Variants in SNTB1 observed in about 807,000 individuals in gnomAD.
The protein encoded by SNTB1 is beta-1-syntrophin.
Under a neutral mutation model 48.9 loss-of-function variants are expected in SNTB1, and 36 were observed. The observed-to-expected ratio is 0.74, with a 90% CI of 0.56 to 0.97. The LOEUF is 0.97. Among genes scored for constraint, SNTB1 ranks in the 50% least tolerant of loss-of-function variants. SNTB1 has a pLI of 0.00. For missense variants in SNTB1, 786 were observed against 703.4 expected (o/e 1.12, Z -1.33); for synonymous variants, 299 against 294.6 (o/e 1.01, Z -0.15).
chr8:120,551,249 C>A (rs1241428376), intron 4 of SNTB1, among the ~76,000 whole-genome samples: 3 of 129,002 alleles, frequency 2.3e-5, no homozygotes, highest in African/African-American at 9.0e-5. Context: ...AGTGAGACTC[C>A]ATCTCAAAAA....
At chr8:120,587,063 A>G (rs1412434215) in intron 3 of SNTB1, among the ~76,000 whole-genome samples, 2 of 152,174 alleles carry the variant, frequency 1.3e-5, no homozygotes, top group East Asian at 3.9e-4. Flanking sequence ...TCTACTAAAA[A>G]TACAAAAATT....
chr8:120,797,164 T>A (rs965654366), intron 1 of SNTB1, among the ~76,000 whole-genome samples: 1 of 152,020 alleles, frequency 6.6e-6, no homozygotes, highest in African/African-American at 2.4e-5. Context: ...TACAGAGTGA[T>A]AAACACACCG....
At chr8:120,691,231 A>G (rs1356179677) in intron 2 of SNTB1, among the ~76,000 whole-genome samples, 1 of 152,182 alleles carries the variant, frequency 6.6e-6, no homozygotes, top group African/African-American at 2.4e-5. Flanking sequence ...CATCTATTCA[A>G]ATTTTCTCCC....
intron 1 of SNTB1, among the ~76,000 whole-genome samples, chr8:120,804,953 T>C (rs1820303846): frequency 6.6e-6 from 1 of 152,192 alleles, no homozygotes; most frequent in Non-Finnish European, 1.5e-5. Context: ...TAGCCATTTT[T>C]CCTCCCTCTT....
Position 120,536,682 on chromosome 8 carries a change from TA to T in SNTB1, c.*2194del, listed in dbSNP as rs1479971878. 3.9e-5 allele frequency: 6 copies of T among 152,060 alleles called. No homozygotes were observed. The highest frequency in any genetic ancestry group is 5.9e-5 in the Non-Finnish European group (4 of 67,972). The allele number at this position is 152,060 out of a possible 1,614,324, so 9.4% of individuals were successfully genotyped here. A position where few individuals can be genotyped will look rare whatever the true frequency, so the allele number is the denominator to read the frequency against. ...TATTCAAATATATTTTCCTAAAATA[TA>T]AATAATTAAATTAAATGTTTATAAA... On this transcript the variant is annotated 3_prime_UTR_variant, in exon 7 of 7. Transcript: ENST00000517992.
chr8:120,620,021 A>G (rs1195778107), intron 3 of SNTB1, among the ~76,000 whole-genome samples: 4 of 152,220 alleles, frequency 2.6e-5, no homozygotes, highest in Non-Finnish European at 5.9e-5. Context: ...TGGTAAATCA[A>G]TATTTCAGTA....
At chr8:120,560,461 C>T (rs147894953) in intron 4 of SNTB1, among the ~76,000 whole-genome samples, 2,545 of 151,982 alleles carry the variant, frequency 0.017, 64 homozygotes, top group African/African-American at 0.059. Flanking sequence ...CCAGCCTGGG[C>T]GACAGAGCGA....
rs1454296001 is a variant in SNTB1 at position 120,669,633 on chromosome 8, T to C, written c.788+24059A>G. ...GCGCCCGGCTAATTTTTTGTATTTT[T>C]AGTAGAGACGGGGTTTCACCGTGTT... On this transcript the variant is annotated intron_variant, in intron 2 of 6. Transcript: ENST00000517992. 9.9e-5 allele frequency among the ~76,000 whole-genome samples: 8 copies of C among 80,974 alleles called. 3 individuals are homozygous for C. The highest frequency in any genetic ancestry group is 1.7e-4 in the Non-Finnish European group (8 of 47,678). The allele number at this position is 80,974 out of a possible 152,430, so 53.1% of individuals were successfully genotyped here. A position where few individuals can be genotyped will look rare whatever the true frequency, so the allele number is the denominator to read the frequency against.
chr8:120,715,054 G>A (rs1434675925), intron 1 of SNTB1, among the ~76,000 whole-genome samples: 3 of 152,142 alleles, frequency 2.0e-5, no homozygotes, highest in South Asian at 2.1e-4. Context: ...CATCACAGTC[G>A]AATTCCCTTT....
intron 3 of SNTB1, among the ~76,000 whole-genome samples, chr8:120,619,629 T>G (rs2130739916): frequency 6.6e-6 from 1 of 152,340 alleles, no homozygotes; most frequent in East Asian, 1.9e-4. Context: ...TGATTTTGAT[T>G]CTTTATTAAG....
intron 1 of SNTB1, among the ~76,000 whole-genome samples, chr8:120,762,544 T>C (rs975305520): frequency 6.6e-6 from 1 of 152,186 alleles, no homozygotes; most frequent in Non-Finnish European, 1.5e-5. Context: ...AAGCTTCTCC[T>C]TGATTTTGCA....
At chr8:120,785,185 G>T (rs758065534) in intron 1 of SNTB1, among the ~76,000 whole-genome samples, 1 of 152,202 alleles carries the variant, frequency 6.6e-6, no homozygotes, top group Non-Finnish European at 1.5e-5. Flanking sequence ...TCTTGAGTAG[G>T]AATGAAACCC....
chr8:120,683,027 G>T (rs1039617946), intron 2 of SNTB1, among the ~76,000 whole-genome samples: 6 of 151,376 alleles, frequency 4.0e-5, no homozygotes, highest in Non-Finnish European at 7.4e-5. Context: ...GACTACAGGC[G>T]CCCGCCACTG....
intron 1 of SNTB1, among the ~76,000 whole-genome samples, chr8:120,735,089 C>T (rs1818920453): frequency 1.3e-5 from 2 of 152,160 alleles, no homozygotes; most frequent in Non-Finnish European, 2.9e-5. Flanking sequence ...TGAAAAGTGT[C>T]ATTGCTCTGG....
chr8:120,733,771 C>T (rs866142368), intron 1 of SNTB1, among the ~76,000 whole-genome samples: 7 of 152,262 alleles, frequency 4.6e-5, no homozygotes, highest in Middle Eastern at 6.8e-3. Flanking sequence ...AGTAAGGAAA[C>T]TCTATTTAAA....
At chr8:120,720,288 T>A (rs1818636655) in intron 1 of SNTB1, among the ~76,000 whole-genome samples, 1 of 152,208 alleles carries the variant, frequency 6.6e-6, no homozygotes, top group African/African-American at 2.4e-5. Flanking sequence ...AGGCCCAGTA[T>A]CCTCCCTGTT....
intron 1 of SNTB1, among the ~76,000 whole-genome samples, chr8:120,725,605 A>G (rs1818740138): frequency 6.6e-6 from 1 of 152,216 alleles, no homozygotes; most frequent in African/African-American, 2.4e-5. Flanking sequence ...AAGTAATGGC[A>G]AAAACCACAA....
chr8:120,712,202 C>T (rs1169949880), intron 1 of SNTB1, among the ~76,000 whole-genome samples: 1 of 152,030 alleles, frequency 6.6e-6, no homozygotes, highest in Non-Finnish European at 1.5e-5. Flanking sequence ...TCAATGAGGT[C>T]AGGAGATCGA....
chr8:120,545,439 C>T (rs548962583), intron 5 of SNTB1, among the ~76,000 whole-genome samples: 3 of 152,326 alleles, frequency 2.0e-5, no homozygotes, highest in Admixed American at 6.5e-5. Flanking sequence ...GCATCAGAAC[C>T]ACCTGGAATC....
Sources: gnomAD v4.1 joint callset for allele counts (sites outside exome capture counted in the v4.1 genomes callset) on GRCh38, gnomAD v4.1.1 for gene constraint, MANE v1.5 for transcripts, NCBI Gene and HGNC (gene_info 2026-07-23, HGNC 2026-07-21) for gene names.